The following QTMAN variants were observed in gnomAD, a reference collection of about 807,000 sequenced individuals.
The protein encoded by QTMAN is tRNA-queuosine alpha-mannosyltransferase.
chr2:144,098,120 A>G, the QTMAN span, among the ~76,000 whole-genome samples: 2 of 152,162 alleles, frequency 1.3e-5, no homozygotes, highest in Admixed American at 1.3e-4. Flanking sequence ...CTGAATTGAC[A>G]ATGAGTTTCT....
the QTMAN span, among the ~76,000 whole-genome samples, chr2:144,194,045 T>C: frequency 1.3e-5 from 2 of 152,106 alleles, no homozygotes; most frequent in Non-Finnish European, 2.9e-5. Flanking sequence ...TTTTAAAAAG[T>C]ATTAATTCTA....
chr2:143,979,439 G>A, the QTMAN span, among the ~76,000 whole-genome samples: 38 of 152,260 alleles, frequency 2.5e-4, 1 homozygote, highest in Non-Finnish European at 4.0e-4. Flanking sequence ...CAAAATGCGT[G>A]TCCATTGTAA....
At chr2:143,982,088 C>A in the QTMAN span, among the ~76,000 whole-genome samples, 1 of 152,142 alleles carries the variant, frequency 6.6e-6, no homozygotes, top group African/African-American at 2.4e-5. Flanking sequence ...TCTGAATATT[C>A]TAATAACATC....
At chr2:144,290,053 C>G in the QTMAN span, among the ~76,000 whole-genome samples, 1 of 152,158 alleles carries the variant, frequency 6.6e-6, no homozygotes, top group African/African-American at 2.4e-5. Flanking sequence ...TCAAATAAGG[C>G]ACGCCAAGCT....
the QTMAN span, among the ~76,000 whole-genome samples, chr2:143,994,088 T>A: frequency 6.6e-6 from 1 of 152,166 alleles, no homozygotes; most frequent in Non-Finnish European, 1.5e-5. Context: ...AACAGGCCAA[T>A]TAAGATTGAC....
the QTMAN span, among the ~76,000 whole-genome samples, chr2:143,958,944 T>C: frequency 4.6e-3 from 698 of 152,090 alleles, 18 homozygotes; most frequent in Admixed American, 0.033. Flanking sequence ...TTATCATCAA[T>C]TGTGCAGTGG....
At chr2:143,970,639 T>A in the QTMAN span, 2 of 1,316,706 alleles carry the variant, frequency 1.5e-6, no homozygotes, top group South Asian at 2.4e-5. Context: ...CATTAGAAAA[T>A]TCAACAGAGG....
the QTMAN span, among the ~76,000 whole-genome samples, chr2:144,259,960 T>C: frequency 1.3e-5 from 2 of 152,276 alleles, no homozygotes; most frequent in East Asian, 3.9e-4. Context: ...AATGCAAATG[T>C]TGCACAGCGT....
chr2:144,320,008 C>T, the QTMAN span: 5 of 152,290 alleles, frequency 3.3e-5, no homozygotes, highest in South Asian at 2.1e-4. Context: ...CACTAAAATC[C>T]GGCATGCAAC....
the QTMAN span, among the ~76,000 whole-genome samples, chr2:144,295,026 A>C: frequency 6.6e-6 from 1 of 152,240 alleles, no homozygotes. Flanking sequence ...TATAGAAGTC[A>C]ATATGACACA....
the QTMAN span, among the ~76,000 whole-genome samples, chr2:143,992,979 C>T: frequency 1.3e-5 from 2 of 152,106 alleles, no homozygotes; most frequent in African/African-American, 4.8e-5. Context: ...ACAACAACAA[C>T]AGAATAGTAA....
At chr2:144,080,311 GA>G in the QTMAN span, among the ~76,000 whole-genome samples, 1 of 152,086 alleles carries the variant, frequency 6.6e-6, no homozygotes, top group Non-Finnish European at 1.5e-5. Context: ...AACATTTTAA[GA>G]AAGGGGTATT....
the QTMAN span, among the ~76,000 whole-genome samples, chr2:143,997,088 A>G: frequency 6.6e-6 from 1 of 152,208 alleles, no homozygotes; most frequent in East Asian, 1.9e-4. Context: ...GTTTCAATGG[A>G]GGCAGTACAG....
chr2:144,050,747 TGTTGGTGAA>T, the QTMAN span, among the ~76,000 whole-genome samples: 8 of 152,228 alleles, frequency 5.3e-5, 1 homozygote, highest in African/African-American at 1.9e-4. Context: ...TAGTCAGCTG[TGTTGGTGAA>T]GTTGGTTTAT....
chr2:144,182,825 T>C, the QTMAN span, among the ~76,000 whole-genome samples: 2 of 69,312 alleles, frequency 2.9e-5, no homozygotes, highest in South Asian at 3.6e-4. Context: ...ATATTATATA[T>C]ATAATATATA....
At chr2:144,007,539 T>A in the QTMAN span, 1 of 1,533,558 alleles carries the variant, frequency 6.5e-7, no homozygotes, top group Non-Finnish European at 8.7e-7. Flanking sequence ...CATGAATCTG[T>A]TACAAAAAAA....
the QTMAN span, among the ~76,000 whole-genome samples, chr2:143,991,192 G>A: frequency 6.6e-6 from 1 of 152,152 alleles, no homozygotes; most frequent in Non-Finnish European, 1.5e-5. Context: ...AATACCTGAA[G>A]ATATTATGGT....
chr2:143,983,667 G>A, the QTMAN span, among the ~76,000 whole-genome samples: 1 of 151,870 alleles, frequency 6.6e-6, no homozygotes, highest in Non-Finnish European at 1.5e-5. Flanking sequence ...TAGAGACGGG[G>A]TTTCACCGTG....
chr2:144,088,170 G>GA, the QTMAN span, among the ~76,000 whole-genome samples: 2 of 151,052 alleles, frequency 1.3e-5, no homozygotes, highest in Non-Finnish European at 3.0e-5. Context: ...ATCTAGCCAA[G>GA]AAAAAAAATC....
Sources: gnomAD v4.1 joint callset for allele counts (sites outside exome capture counted in the v4.1 genomes callset) on GRCh38, gnomAD v4.1.1 for gene constraint, MANE v1.5 for transcripts, NCBI Gene and HGNC (gene_info 2026-07-23, HGNC 2026-07-21) for gene names.